LRRC53: variants seen among roughly 807,000 people sequenced by gnomAD.
LRRC53 encodes the protein leucine rich repeat containing 53.
LRRC53 carries 25 observed loss-of-function variants against 13.6 expected under a neutral mutation model. The observed-to-expected ratio is 1.83, with a 90% CI of 1.34 to 2.56. LRRC53 has a LOEUF of 2.56. Among genes scored for constraint, LRRC53 ranks in the 30% most tolerant of loss-of-function variants. The pLI, the probability that LRRC53 is intolerant of heterozygous loss-of-function variation, is 0.00. For synonymous variants in LRRC53, 204 were observed against 109.8 expected (o/e 1.86, Z -5.37); for missense variants, 527 against 275.8 (o/e 1.91, Z -6.45).
the LRRC53 span, among the ~76,000 whole-genome samples, chr1:74,527,170 C>T: frequency 9.9e-5 from 15 of 152,148 alleles, no homozygotes; most frequent in African/African-American, 3.6e-4. Context: ...GTTTTACTAG[C>T]CCGTGCCAGG....
the LRRC53 span, among the ~76,000 whole-genome samples, chr1:74,536,585 A>G: frequency 6.6e-6 from 1 of 152,148 alleles, no homozygotes; most frequent in East Asian, 1.9e-4. Flanking sequence ...AATATATACT[A>G]ATATAACATG....
At chr1:74,499,260 G>A (rs1669487072) in intron 1 of LRRC53, among the ~76,000 whole-genome samples, 1 of 152,174 alleles carries the variant, frequency 6.6e-6, no homozygotes. Flanking sequence ...TCCTGCCTGA[G>A]CCTCCTGAGT....
At chr1:74,515,524 C>T (rs1262028691), upstream of LRRC53, among the ~76,000 whole-genome samples, 1 of 152,222 alleles carries the variant, frequency 6.6e-6, no homozygotes, top group African/African-American at 2.4e-5. Context: ...CTGATGGTTG[C>T]TGTTGGCAAC....
chr1:74,511,341 C>T (rs978223171), intron 1 of LRRC53, among the ~76,000 whole-genome samples: 32 of 152,100 alleles, frequency 2.1e-4, no homozygotes, highest in Admixed American at 1.8e-3. Flanking sequence ...TACAGGCACA[C>T]GTCACTACAC....
intron 3 of LRRC53, among the ~76,000 whole-genome samples, chr1:74,479,430 G>C (rs1209891020): frequency 6.6e-6 from 1 of 152,016 alleles, no homozygotes; most frequent in African/African-American, 2.4e-5. Flanking sequence ...GGGAAGTATG[G>C]GCCAAGTTTA....
chr1:74,512,339 A>G (rs1286665449), intron 1 of LRRC53, among the ~76,000 whole-genome samples, 187 bp downstream of exon 1: 3 of 152,224 alleles, frequency 2.0e-5, no homozygotes, highest in African/African-American at 4.8e-5. Flanking sequence ...TGTGCAAAAC[A>G]GGCAACACTG....
At position 74,470,124 on chromosome 1, in the gene LRRC53, T is replaced by A; in HGVS notation, c.3498A>T (p.Val1166=). 1 of 400,756 alleles carries A rather than the reference T, an allele frequency of 2.5e-6. No homozygotes were observed. Among genetic ancestry groups the A allele is most frequent in the African/African-American group, 2.0e-5 (1 of 48,840 alleles). 24.8% of individuals were successfully genotyped at this position (400,756 alleles called of 1,614,324 possible). A position where few individuals can be genotyped will look rare whatever the true frequency, so the allele number is the denominator to read the frequency against. The change falls in exon 5 of 5, where the codon GTA becomes GTT. Residue 1166 remains valine, a synonymous_variant. Coordinates refer to ENST00000294635, the MANE Select transcript of LRRC53 (RefSeq NM_001382280.1). ...SEVDPEVNSN[V]HNFREVQNIQ... Reference sequence around the variant, plus strand: ...TATTTTGAACTTCTCTAAAATTATGTACATTACTGTTAACTTCAGGATCTA... The same window carrying A: ...TATTTTGAACTTCTCTAAAATTATGAACATTACTGTTAACTTCAGGATCTA...
At chr1:74,497,607 C>A (rs1160059117) in intron 1 of LRRC53, among the ~76,000 whole-genome samples, 2 of 151,658 alleles carry the variant, frequency 1.3e-5, no homozygotes, top group Admixed American at 6.6e-5. Flanking sequence ...CACACATCTA[C>A]ACACACATAC....
chr1:74,501,487 TG>T (rs1364223512), intron 1 of LRRC53, among the ~76,000 whole-genome samples: 1 of 124,572 alleles, frequency 8.0e-6, no homozygotes, highest in Non-Finnish European at 1.5e-5. Context: ...TTTGTTTGTT[TG>T]TTTGTTTGTT....
chr1:74,524,200 G>T, the LRRC53 span, among the ~76,000 whole-genome samples: 1 of 152,212 alleles, frequency 6.6e-6, no homozygotes, highest in Admixed American at 6.5e-5. Flanking sequence ...TAACCATGTA[G>T]CAATTACCAT....
At chr1:74,488,356 G>C (rs1340716422) in intron 1 of LRRC53, among the ~76,000 whole-genome samples, 4 of 152,180 alleles carry the variant, frequency 2.6e-5, no homozygotes, top group Non-Finnish European at 5.9e-5. Flanking sequence ...GGGTGGGCTA[G>C]ATAGTAAGGG....
At chr1:74,495,382 A>C (rs924492030) in intron 1 of LRRC53, among the ~76,000 whole-genome samples, 2 of 152,196 alleles carry the variant, frequency 1.3e-5, no homozygotes, top group African/African-American at 4.8e-5. Context: ...TATCCTTAGT[A>C]TCTATCTAGC....
intron 1 of LRRC53, among the ~76,000 whole-genome samples, chr1:74,503,524 A>G (rs185289312): frequency 5.3e-5 from 8 of 152,118 alleles, no homozygotes; most frequent in Non-Finnish European, 7.3e-5. Context: ...AGTTCTATGG[A>G]TCTTGTATGT....
chr1:74,489,103 C>G (rs1668908806), intron 1 of LRRC53: 5 of 1,095,794 alleles, frequency 4.6e-6, no homozygotes, highest in Non-Finnish European at 5.3e-6. Context: ...TCATTCTTTA[C>G]AAATGCTAAT....
the LRRC53 span, among the ~76,000 whole-genome samples, chr1:74,528,251 G>C: frequency 6.6e-6 from 1 of 152,166 alleles, no homozygotes; most frequent in Non-Finnish European, 1.5e-5. Context: ...GAAGGTGTAC[G>C]TGTGGGCAGG....
intron 1 of LRRC53, among the ~76,000 whole-genome samples, chr1:74,502,192 A>G (rs1669668018): frequency 6.6e-6 from 1 of 152,152 alleles, no homozygotes; most frequent in African/African-American, 2.4e-5. Context: ...TTTCTTTTAT[A>G]TTCATACCCA....
At chr1:74,498,897 G>A (rs996897207) in intron 1 of LRRC53, among the ~76,000 whole-genome samples, 14 of 152,132 alleles carry the variant, frequency 9.2e-5, no homozygotes, top group Non-Finnish European at 1.2e-4. Context: ...AAAAGGTAAT[G>A]TTCCTTCAAA....
chr1:74,531,793 T>C, the LRRC53 span, among the ~76,000 whole-genome samples: 1 of 152,216 alleles, frequency 6.6e-6, no homozygotes, highest in Non-Finnish European at 1.5e-5. Flanking sequence ...ATATTCCTCT[T>C]GAAGAAGGGG....
At chr1:74,488,409 C>G (rs1216891190) in intron 1 of LRRC53, among the ~76,000 whole-genome samples, 1 of 152,070 alleles carries the variant, frequency 6.6e-6, no homozygotes, top group East Asian at 1.9e-4. Flanking sequence ...GGTTACTGAA[C>G]CTGAATGTTA....
Sources: allele counts gnomAD v4.1 joint callset (sites outside exome capture counted in the v4.1 genomes callset), GRCh38; gene constraint gnomAD v4.1.1; transcripts MANE v1.5; gene names NCBI Gene and HGNC (gene_info 2026-07-23, HGNC 2026-07-21).